Variants in PDE4D observed in about 807,000 individuals in gnomAD.
PDE4D encodes the protein 3',5'-cyclic-AMP phosphodiesterase 4D.
PDE4D carries 24 observed loss-of-function variants against 87.4 expected under a neutral mutation model. The ratio of observed to expected loss-of-function variants is 0.27; its 90% CI spans 0.20 to 0.39. The LOEUF (loss-of-function observed/expected upper bound fraction) is 0.39. PDE4D is among the 10% of genes least tolerant of loss of function. PDE4D has a pLI of 1.00. For missense variants in PDE4D, 714 were observed against 1,041.0 expected (o/e 0.69, Z 4.32); for synonymous variants, 384 against 383.2 (o/e 1.00, Z -0.02).
intron 3 of PDE4D, among the ~76,000 whole-genome samples, chr5:59,191,984 T>G (rs1193098106): frequency 6.6e-6 from 1 of 152,226 alleles, no homozygotes; most frequent in Non-Finnish European, 1.5e-5. Flanking sequence ...ATACAGGTAC[T>G]AGAAAGAATT....
intron 1 of PDE4D, among the ~76,000 whole-genome samples, chr5:59,731,235 T>A (rs1757321066): frequency 6.6e-6 from 1 of 151,936 alleles, no homozygotes; most frequent in Non-Finnish European, 1.5e-5. Context: ...AAGCTGAGGA[T>A]TCCTAAGAAA....
intron 2 of PDE4D, among the ~76,000 whole-genome samples, chr5:60,011,517 A>G (rs1012168214): frequency 2.0e-5 from 3 of 152,178 alleles, no homozygotes; most frequent in Admixed American, 1.3e-4. Flanking sequence ...GTTTACTTCT[A>G]TACATTTCTT....
chr5:59,555,948 C>T (rs1435476265), intron 1 of PDE4D, among the ~76,000 whole-genome samples: 2 of 152,084 alleles, frequency 1.3e-5, no homozygotes, highest in Non-Finnish European at 2.9e-5. Flanking sequence ...CCTTGGTCAC[C>T]TCAATTTATT....
chr5:59,544,849 T>C (rs1415596553), intron 1 of PDE4D, among the ~76,000 whole-genome samples: 1 of 152,214 alleles, frequency 6.6e-6, no homozygotes, highest in Admixed American at 6.5e-5. Flanking sequence ...GATATGAGAT[T>C]GCATGACAGT....
intron 5 of PDE4D, among the ~76,000 whole-genome samples, chr5:59,152,417 G>A (rs889599871): frequency 1.3e-5 from 2 of 152,158 alleles, no homozygotes; most frequent in African/African-American, 2.4e-5. Flanking sequence ...CTACTATATT[G>A]TTTCTACCTG....
At chr5:59,605,228 T>C (rs1403906551) in intron 1 of PDE4D, among the ~76,000 whole-genome samples, 1 of 152,134 alleles carries the variant, frequency 6.6e-6, no homozygotes, top group Non-Finnish European at 1.5e-5. Flanking sequence ...TTTCCAAAGG[T>C]GAAAATAAGT....
chr5:59,139,071 G>T (rs897801799), intron 5 of PDE4D, among the ~76,000 whole-genome samples: 20 of 152,142 alleles, frequency 1.3e-4, no homozygotes, highest in African/African-American at 4.8e-4. Flanking sequence ...GTGTGGGAGA[G>T]CTTGGCTTGA....
intron 1 of PDE4D, among the ~76,000 whole-genome samples, chr5:59,813,047 T>G (rs1283247705): frequency 6.6e-6 from 1 of 152,182 alleles, no homozygotes; most frequent in African/African-American, 2.4e-5. Flanking sequence ...CTGTAATATT[T>G]TTTCTCATTT....
chr5:60,309,794 A>T (rs1754839130), intron 1 of PDE4D, among the ~76,000 whole-genome samples: 1 of 152,258 alleles, frequency 6.6e-6, no homozygotes, highest in African/African-American at 2.4e-5. Context: ...TTAGTTTCTT[A>T]TAGCAATGCT....
intron 1 of PDE4D, among the ~76,000 whole-genome samples, chr5:59,783,966 G>A: frequency 6.6e-6 from 1 of 152,296 alleles, no homozygotes; most frequent in East Asian, 1.9e-4. Flanking sequence ...GCTGAGGTGG[G>A]AAGATGGTTT....
intron 2 of PDE4D, among the ~76,000 whole-genome samples, chr5:60,042,361 T>TA (rs1768622869): frequency 6.6e-6 from 1 of 152,198 alleles, no homozygotes; most frequent in South Asian, 2.1e-4. Context: ...GGGGTGCCTG[T>TA]AGGCGCTGCT....
intron 1 of PDE4D, among the ~76,000 whole-genome samples, chr5:59,675,396 T>G (rs1747898575): frequency 6.6e-6 from 1 of 152,204 alleles, no homozygotes; most frequent in Non-Finnish European, 1.5e-5. Context: ...TATGAAGTTA[T>G]CATTTCTCCA....
chr5:60,230,376 C>T (rs1225646999), intron 1 of PDE4D, among the ~76,000 whole-genome samples: 1 of 152,058 alleles, frequency 6.6e-6, no homozygotes, highest in Non-Finnish European at 1.5e-5. Flanking sequence ...TTGAACACTG[C>T]TACCTAGACA....
At chr5:59,676,442 G>A (rs1748095442) in intron 1 of PDE4D, among the ~76,000 whole-genome samples, 1 of 152,060 alleles carries the variant, frequency 6.6e-6, no homozygotes, top group African/African-American at 2.4e-5. Context: ...ACATGTTTGG[G>A]AACAGTCAAC....
chr5:59,530,680 T>C (rs1814055128), intron 1 of PDE4D, among the ~76,000 whole-genome samples: 1 of 152,204 alleles, frequency 6.6e-6, no homozygotes, highest in African/African-American at 2.4e-5. Flanking sequence ...TACTTGGAAG[T>C]ATCAATAGGA....
At chr5:59,857,668 T>C (rs937917959) in intron 1 of PDE4D, among the ~76,000 whole-genome samples, 13 of 152,072 alleles carry the variant, frequency 8.5e-5, no homozygotes, top group African/African-American at 3.1e-4. Context: ...CATTTCTCAA[T>C]GAGTTTGATG....
At chr5:59,082,954 C>A (rs928676567) in intron 5 of PDE4D, among the ~76,000 whole-genome samples, 1 of 152,052 alleles carries the variant, frequency 6.6e-6, no homozygotes, top group Non-Finnish European at 1.5e-5. Flanking sequence ...TGGGTTGGTT[C>A]CAATGCTCTT....
At chr5:59,488,243 C>A (rs888355672) in intron 1 of PDE4D, among the ~76,000 whole-genome samples, 1 of 150,412 alleles carries the variant, frequency 6.6e-6, no homozygotes, top group African/African-American at 2.4e-5. Flanking sequence ...GTTGCCATTT[C>A]TAAGGCCTGT....
chr5:60,196,098 A>G (rs1383690587), intron 1 of PDE4D, among the ~76,000 whole-genome samples: 1 of 151,722 alleles, frequency 6.6e-6, no homozygotes, highest in East Asian at 1.9e-4. Flanking sequence ...AATTTATTAC[A>G]AAATAAATGA....
Sources: gnomAD v4.1 joint callset for allele counts (sites outside exome capture counted in the v4.1 genomes callset) on GRCh38, gnomAD v4.1.1 for gene constraint, MANE v1.5 for transcripts, NCBI Gene and HGNC (gene_info 2026-07-23, HGNC 2026-07-21) for gene names.